The following PKD2L1 variants were observed in gnomAD, a reference collection of about 807,000 sequenced individuals.
PKD2L1 encodes polycystin 2 like 1, transient receptor potential cation channel, also known as polycystin-2-like protein 1.
PKD2L1 carries 77 observed loss-of-function variants against 93.0 expected under a neutral mutation model. That is an observed-to-expected ratio of 0.83 (90% CI 0.69 to 1.00). The LOEUF (loss-of-function observed/expected upper bound fraction) is 1.00. PKD2L1 is among the 50% of genes least tolerant of loss of function. The pLI, the probability that PKD2L1 is intolerant of heterozygous loss-of-function variation, is 0.00. For missense variants in PKD2L1, 977 were observed against 990.9 expected (o/e 0.99, Z 0.19); for synonymous variants, 390 against 388.0 (o/e 1.01, Z -0.06).
rs746156616 is a variant in PKD2L1 at position 100,297,604 on chromosome 10, C to T, written c.734G>A (p.Trp245Ter). 2.5e-6 allele frequency: 4 copies of T among 1,612,108 alleles called. No individual in the cohort carries two copies. In the South Asian group the frequency reaches 4.4e-5, roughly 18 times the overall value. ...CAACTCATCCTGCGAGTGGTATGTC[C>T]ACCTGCCACAGAAAATGCCAGCTGA... ...LPFGPFNGTAWTYHSQDELGG... is the reference protein window; with the variant it reads ...LPFGPFNGTA Residue 245 changes from tryptophan (W) to a stop codon, truncating the protein, a stop_gained and splice_region_variant, in exon 5 of 16, where the codon TGG (tryptophan) becomes TAG (stop). Coordinates refer to ENST00000318222, the MANE Select transcript of PKD2L1 (RefSeq NM_016112.3). LOFTEE classifies it high-confidence loss of function.
rs200236921 is a variant in PKD2L1, at chr10:100,321,197, C to T, written c.349+8014G>A. Among the ~76,000 whole-genome samples, 60 of 152,218 alleles carry T rather than the reference C, an allele frequency of 3.9e-4. 1 individual carries two copies. The highest frequency in any genetic ancestry group is 7.7e-4 in the East Asian group (4 of 5,168). ...CACCCGACACAGGCACAGTGGCTCA[C>T]GCCTGTAATCCCAGCACTTTGGGAG... is the stretch of plus-strand genomic sequence containing the variant. On this transcript the variant is annotated intron_variant, in intron 2 of 15. Coordinates refer to ENST00000318222, the MANE Select transcript of PKD2L1 (RefSeq NM_016112.3).
intron 2 of PKD2L1, among the ~76,000 whole-genome samples, chr10:100,312,911 C>T (rs950459576): frequency 1.6e-4 from 24 of 151,490 alleles, no homozygotes; most frequent in African/African-American, 5.3e-4. Flanking sequence ...CCAGAAACCT[C>T]GAGACATAGC....
chr10:100,324,444 C>T (rs1457891102), intron 2 of PKD2L1, among the ~76,000 whole-genome samples: 1 of 152,200 alleles, frequency 6.6e-6, no homozygotes, highest in African/African-American at 2.4e-5. Context: ...CTTCTCTTTC[C>T]CCAACCCCTG....
Position 100,290,130 on chromosome 10 carries a change from C to T in PKD2L1, c.2135G>A (p.Arg712Lys). The stretch of plus-strand genomic sequence containing the variant: ...GACAGTCTCCAGCTGCAGAACTCTC[C>T]TTGTGAGCCTGTGTGGGATTTGAGA... ...VSGEEFYMLT[R>K]RVLQLETVLE... Residue 712 changes from arginine (R) to lysine (K), a missense_variant, in exon 14 of 16, where the codon AGG becomes AAG. Coordinates refer to ENST00000318222, the MANE Select transcript of PKD2L1 (RefSeq NM_016112.3). 1 of 1,614,102 alleles carries T rather than the reference C, an allele frequency of 6.2e-7. No individual in the cohort carries two copies. The highest frequency in any genetic ancestry group is 8.5e-7 in the Non-Finnish European group (1 of 1,180,024).
intron 2 of PKD2L1, among the ~76,000 whole-genome samples, chr10:100,326,861 A>G (rs1849390598): frequency 6.6e-6 from 1 of 151,882 alleles, no homozygotes; most frequent in Non-Finnish European, 1.5e-5. Flanking sequence ...TTCAATCCCT[A>G]CATAATACCA....
chr10:100,324,143 G>C (rs1849325916), intron 2 of PKD2L1, among the ~76,000 whole-genome samples: 1 of 152,078 alleles, frequency 6.6e-6, no homozygotes, highest in African/African-American at 2.4e-5. Flanking sequence ...TATTTTTTTA[G>C]AGTAATTTTA....
At chr10:100,289,082 C>A in intron 14 of PKD2L1, 26 bp from the exon 15 acceptor site, 1 of 1,536,838 alleles carries the variant, frequency 6.5e-7, no homozygotes, top group East Asian at 2.3e-5. Flanking sequence ...AGGGACAAAT[C>A]ATTTGAAGAA....
intron 2 of PKD2L1, among the ~76,000 whole-genome samples, chr10:100,305,001 G>A (rs555443694): frequency 1.3e-5 from 2 of 152,232 alleles, no homozygotes; most frequent in East Asian, 3.9e-4. Flanking sequence ...AAGTAGTTGA[G>A]TAGCTTCCCA....
At chr10:100,300,173 A>G (rs183480869) in intron 2 of PKD2L1, among the ~76,000 whole-genome samples, 409 of 152,284 alleles carry the variant, frequency 2.7e-3, no homozygotes, top group Non-Finnish European at 4.8e-3. Context: ...GGCCTTGGCC[A>G]AACACCTTAC....
chr10:100,314,074 T>A (rs892668450), intron 2 of PKD2L1, among the ~76,000 whole-genome samples: 2 of 152,168 alleles, frequency 1.3e-5, no homozygotes, highest in Admixed American at 1.3e-4. Context: ...ACACAAGCAA[T>A]CCTCCCACAG....
chr10:100,296,698 T>C (rs771585938), intron 6 of PKD2L1, among the ~76,000 whole-genome samples: 5 of 148,114 alleles, frequency 3.4e-5, no homozygotes, highest in Non-Finnish European at 7.4e-5. Context: ...GAACAGGTCA[T>C]AAAGACAAAA....
At chr10:100,319,390 C>T (rs1048210849) in intron 2 of PKD2L1, among the ~76,000 whole-genome samples, 1 of 152,238 alleles carries the variant, frequency 6.6e-6, no homozygotes, top group Admixed American at 6.5e-5. Flanking sequence ...ATCAGACCAC[C>T]TTATTCCAGG....
Position 100,288,395 on chromosome 10 carries a change from C to A in PKD2L1, c.*1G>T. 1 of 1,603,336 alleles carries A rather than the reference C, an allele frequency of 6.2e-7. No individual in the cohort carries two copies. The highest frequency in any genetic ancestry group is 1.1e-5 in the South Asian group (1 of 90,872). The stretch of plus-strand genomic sequence containing the variant: ...GACTTTGCTCCGGGAGTGCCTCACA[C>A]TTAACTCCTCTGCAACGTTGGAATC... On this transcript the variant is annotated 3_prime_UTR_variant, in exon 16 of 16. Coordinates refer to ENST00000318222, the MANE Select transcript of PKD2L1 (RefSeq NM_016112.3).
chr10:100,298,903 C>T, intron 3 of PKD2L1, 88 bp from the exon 4 acceptor site: 1 of 1,214,608 alleles, frequency 8.2e-7, no homozygotes, highest in Non-Finnish European at 1.1e-6. Flanking sequence ...TCTGACTCCC[C>T]AGCTTGTCTC....
At chr10:100,297,333 G>A in intron 5 of PKD2L1, 49 bp downstream of exon 5, 1 of 1,558,384 alleles carries the variant, frequency 6.4e-7, no homozygotes, top group South Asian at 1.1e-5. Context: ...ACAAGAGACG[G>A]GAACCAGGAG....
intron 2 of PKD2L1, among the ~76,000 whole-genome samples, chr10:100,304,233 C>T (rs1848748283): frequency 6.6e-6 from 1 of 152,180 alleles, no homozygotes; most frequent in South Asian, 2.1e-4. Flanking sequence ...CCCATACAAA[C>T]ACTCTTTCTC....
intron 2 of PKD2L1, among the ~76,000 whole-genome samples, chr10:100,313,466 C>A (rs987646584): frequency 3.3e-5 from 5 of 152,096 alleles, no homozygotes; most frequent in African/African-American, 1.2e-4. Context: ...GATAAGGGAG[C>A]GGTAACTAAG....
chr10:100,288,534 A>G, intron 15 of PKD2L1, 56 bp from the exon 16 acceptor site: 2 of 1,034,836 alleles, frequency 1.9e-6, no homozygotes, highest in East Asian at 4.7e-5. Flanking sequence ...GGGATGCACA[A>G]AGGATAAGAA....
intron 2 of PKD2L1, among the ~76,000 whole-genome samples, chr10:100,300,312 G>A (rs1220399244): frequency 2.0e-5 from 3 of 152,094 alleles, no homozygotes; most frequent in Admixed American, 1.3e-4. Flanking sequence ...CTGAGAGAGC[G>A]ACTCAGTGTT....
Sources: allele counts gnomAD v4.1 joint callset (sites outside exome capture counted in the v4.1 genomes callset), GRCh38; gene constraint gnomAD v4.1.1; transcripts MANE v1.5; gene names NCBI Gene and HGNC (gene_info 2026-07-23, HGNC 2026-07-21).